TTLL4: variants seen among roughly 807,000 people sequenced by gnomAD.
The protein encoded by TTLL4 is tubulin tyrosine ligase like 4, also known as tubulin monoglutamylase TTLL4.
In TTLL4, 85 loss-of-function variants were observed where a neutral mutation model predicts 122.7. The ratio of observed to expected loss-of-function variants is 0.69; its 90% CI spans 0.58 to 0.83. The LOEUF (loss-of-function observed/expected upper bound fraction) is 0.83. Among genes scored for constraint, TTLL4 ranks in the 40% least tolerant of loss-of-function variants. TTLL4 has a pLI of 0.00. For missense variants in TTLL4, 1,363 were observed against 1,488.6 expected (o/e 0.92, Z 1.39); for synonymous variants, 553 against 563.0 (o/e 0.98, Z 0.25).
At chr2:218,744,891 T>C (rs141449646) in intron 5 of TTLL4, among the ~76,000 whole-genome samples, 3 of 152,350 alleles carry the variant, frequency 2.0e-5, no homozygotes, top group African/African-American at 7.2e-5. Context: ...TTGGAAAACC[T>C]TGTCTTTAGG....
At chr2:218,746,518 G>A in intron 8 of TTLL4, 1 of 468,536 alleles carries the variant, frequency 2.1e-6, no homozygotes, top group Non-Finnish European at 3.9e-6. Flanking sequence ...CTGAAATCCT[G>A]CAGTTGCAGC....
intron 8 of TTLL4, 162 bp from the exon 9 acceptor site, chr2:218,746,841 C>T (rs1231298235): frequency 1.5e-5 from 10 of 683,580 alleles, no homozygotes; most frequent in Middle Eastern, 4.1e-4. Context: ...TTGGTGAGTG[C>T]TCTGCAGTTG....
chr2:218,735,827 C>T (rs754306609), intron 2 of TTLL4, among the ~76,000 whole-genome samples: 6 of 152,016 alleles, frequency 3.9e-5, no homozygotes, highest in Non-Finnish European at 5.9e-5. Context: ...CACCCTCCTC[C>T]GTGCATGGCT....
At chr2:218,718,409 A>C (rs577886796) in intron 1 of TTLL4, among the ~76,000 whole-genome samples, 1 of 146,552 alleles carries the variant, frequency 6.8e-6, no homozygotes, top group South Asian at 2.2e-4. Flanking sequence ...ACGCAGTTTC[A>C]CTCTTGTTGC....
intron 2 of TTLL4, among the ~76,000 whole-genome samples, chr2:218,733,745 T>C (rs774421352): frequency 5.9e-5 from 9 of 152,224 alleles, no homozygotes; most frequent in Non-Finnish European, 1.3e-4. Flanking sequence ...TGTATCCTTG[T>C]CCTCCCTCTT....
chr2:218,748,976 C>A (rs888976281), intron 13 of TTLL4, 42 bp downstream of exon 13: 1 of 1,592,822 alleles, frequency 6.3e-7, no homozygotes, highest in African/African-American at 1.3e-5. Context: ...CTGCTGCTGA[C>A]CCCCTCCTTT....
intron 12 of TTLL4, 199 bp downstream of exon 12, chr2:218,748,426 G>GGGT (rs1165934188): frequency 2.9e-5 from 23 of 786,606 alleles, no homozygotes; most frequent in Admixed American, 1.2e-4. Context: ...AGGCCAAGGT[G>GGGT]GGTGGATCAC....
chr2:218,736,128 C>T (rs1942515647), intron 2 of TTLL4, among the ~76,000 whole-genome samples: 2 of 151,932 alleles, frequency 1.3e-5, no homozygotes, highest in Admixed American at 6.6e-5. Flanking sequence ...GCATGCGCCA[C>T]CATACCTGGC....
chr2:218,752,693 A>G (rs1330801319), intron 16 of TTLL4, 70 bp from the exon 17 acceptor site: 1 of 1,562,136 alleles, frequency 6.4e-7, no homozygotes, highest in African/African-American at 1.4e-5. Context: ...CCTGTTCCCC[A>G]GCTTCTTGAG....
intron 5 of TTLL4, among the ~76,000 whole-genome samples, chr2:218,744,275 C>T (rs367760718): frequency 6.6e-6 from 1 of 152,190 alleles, no homozygotes. Flanking sequence ...TAATAATATT[C>T]GTGGATTATA....
At chr2:218,714,809 A>G (rs867137929) in intron 1 of TTLL4, among the ~76,000 whole-genome samples, 3 of 152,000 alleles carry the variant, frequency 2.0e-5, no homozygotes, top group Admixed American at 1.3e-4. Flanking sequence ...GGGTCTCACT[A>G]TATTGCCCAG....
chr2:218,730,536 A>T (rs528998806), intron 2 of TTLL4, among the ~76,000 whole-genome samples: 2 of 151,772 alleles, frequency 1.3e-5, no homozygotes, highest in Non-Finnish European at 2.9e-5. Context: ...AATAAATAAA[A>T]TAAAAAAGAA....
chr2:218,734,680 G>T (rs985430811), intron 2 of TTLL4, among the ~76,000 whole-genome samples: 2 of 152,190 alleles, frequency 1.3e-5, no homozygotes, highest in African/African-American at 4.8e-5. Context: ...ACCAGCCTGA[G>T]TTTTCATTTC....
At chr2:218,743,858 T>C (rs960465625) in intron 5 of TTLL4, among the ~76,000 whole-genome samples, 1 of 152,206 alleles carries the variant, frequency 6.6e-6, no homozygotes, top group African/African-American at 2.4e-5. Context: ...TTTGTATTTT[T>C]AGTAGAGACG....
rs1417191465 is a variant in TTLL4, at chr2:218,737,586, G to C, written c.-91G>C. 1.7e-5 allele frequency: 24 copies of C among 1,415,998 alleles called. No individual in the cohort carries two copies. The highest frequency in any genetic ancestry group is 2.9e-5 in the African/African-American group (2 of 69,442). 87.7% of individuals were successfully genotyped at this position (1,415,998 alleles called of 1,614,324 possible). A position where few individuals can be genotyped will look rare whatever the true frequency, so the allele number is the denominator to read the frequency against. ...CATTTCTCTCCACTTCAGACTGACA[G>C]ACTTCAAGGATGCAGCTGCTACTAC... On this transcript the variant is annotated 5_prime_UTR_variant, in exon 3 of 20. Coordinates refer to ENST00000392102, the MANE Select transcript of TTLL4 (RefSeq NM_014640.5).
chr2:218,748,737 T>C, intron 12 of TTLL4, 99 bp from the exon 13 acceptor site: 1 of 960,660 alleles, frequency 1.0e-6, no homozygotes, highest in Non-Finnish European at 1.6e-6. Flanking sequence ...AAGGAAGAGA[T>C]ATGAAGAAAA....
intron 2 of TTLL4, among the ~76,000 whole-genome samples, chr2:218,729,677 A>T (rs1006744867): frequency 6.6e-6 from 1 of 150,744 alleles, no homozygotes; most frequent in African/African-American, 2.5e-5. Flanking sequence ...GACCTTACTA[A>T]ACTTGGTTAT....
intron 5 of TTLL4, among the ~76,000 whole-genome samples, chr2:218,741,551 G>A (rs1306508839): frequency 6.6e-6 from 1 of 152,184 alleles, no homozygotes; most frequent in Admixed American, 6.5e-5. Flanking sequence ...GGTGGAGACA[G>A]AGCTGTTTGG....
chr2:218,748,797 A>G (rs774565415), intron 12 of TTLL4, 39 bp from the exon 13 acceptor site: 3 of 1,581,384 alleles, frequency 1.9e-6, no homozygotes, highest in East Asian at 2.2e-5. Flanking sequence ...ACTCATTCCT[A>G]GAATTTAATT....
Sources: allele counts gnomAD v4.1 joint callset (sites outside exome capture counted in the v4.1 genomes callset), GRCh38; gene constraint gnomAD v4.1.1; transcripts MANE v1.5; gene names NCBI Gene and HGNC (gene_info 2026-07-23, HGNC 2026-07-21).